The following BTK variants were observed in gnomAD, a reference collection of about 807,000 sequenced individuals.
BTK encodes Bruton tyrosine kinase, also known as tyrosine-protein kinase BTK.
A neutral mutation model predicts 57.4 loss-of-function variants in BTK; 5 were observed. The ratio of observed to expected loss-of-function variants is 0.09; its 90% CI spans 0.05 to 0.18. The LOEUF is 0.18. Among genes scored for constraint, BTK ranks in the 10% least tolerant of loss-of-function variants. BTK has a pLI of 1.00. For missense variants in BTK, 194 were observed against 501.2 expected (o/e 0.39, Z 5.85); for synonymous variants, 154 against 174.3 (o/e 0.88, Z 0.92).
intron 3 of BTK, among the ~76,000 whole-genome samples, chrX:101,373,817 G>A (rs1005131440): frequency 2.7e-5 from 3 of 111,212 alleles, no homozygotes; most frequent in African/African-American, 9.8e-5. Flanking sequence ...CGAGACAGGC[G>A]GATCACTTGA....
At chrX:101,374,226 T>C in intron 3 of BTK, 1 of 285,966 alleles carries the variant, frequency 3.5e-6, no homozygotes. Flanking sequence ...CAGACTTACT[T>C]AAGCCTCTAA....
intron 5 of BTK, among the ~76,000 whole-genome samples, chrX:101,369,591 T>A (rs187119615): frequency 8.9e-6 from 1 of 111,879 alleles, no homozygotes; most frequent in African/African-American, 3.2e-5. Flanking sequence ...AATAGAGAAA[T>A]GGAGGTGCCT....
At chrX:101,353,795 G>A in intron 17 of BTK, 75 bp downstream of exon 17, 2 of 834,320 alleles carry the variant, frequency 2.4e-6, no homozygotes, top group Non-Finnish European at 3.6e-6. Context: ...CTCTGTGGAG[G>A]TTGCAAAGTG....
In BTK at chrX:101,368,891, A is replaced by G. The variant is rs782572638; in HGVS notation, c.391+1107T>C. 5.4e-5 allele frequency among the ~76,000 whole-genome samples: 6 copies of G among 112,090 alleles called. No individual in the cohort carries two copies. In the East Asian group the frequency reaches 1.4e-3, roughly 26 times the overall value. ...AGGCTGGTATAGCCAGCCAGTGAGT[A>G]TCAGAATCTAAATGTTTATTAAGAC... On this transcript the variant is annotated intron_variant, in intron 5 of 18. Coordinates refer to ENST00000308731, the MANE Select transcript of BTK (RefSeq NM_000061.3).
rs192477059 is a variant in BTK, at chrX:101,363,789, T to C, written c.392-1100A>G. Among the ~76,000 whole-genome samples the C allele has an allele frequency of 4.6e-3, 495 of 108,454 alleles. 3 individuals carry two copies. The highest frequency in any genetic ancestry group is 4.8e-3 in the Non-Finnish European group (252 of 52,385). The allele number at this position is 108,454 out of a possible 115,157, so 94.2% of individuals were successfully genotyped here. A position where few individuals can be genotyped will look rare whatever the true frequency, so the allele number is the denominator to read the frequency against. On this transcript the variant is annotated intron_variant, in intron 5 of 18. Transcript: ENST00000308731. ...AAGCAAAGACAATTGAAATAACTGA[T>C]AGCAGCAAACACTAGAGCAAAGACC...
chrX:101,359,278 T>G lies in BTK; in HGVS notation c.894+15A>C, dbSNP rs377652560. ...ATGCAAGGAGAATGCTGTGTGCTAG[T>G]GGTTCCACACTTACCTCTTGCTTTA... On this transcript the variant is annotated intron_variant, in intron 10 of 18. Transcript: ENST00000308731. The G allele has an allele frequency of 6.6e-6, 8 of 1,208,452 alleles. No homozygotes were observed. Among genetic ancestry groups the G allele is most frequent in the Non-Finnish European group, 9.0e-6 (8 of 893,514 alleles).
At chrX:101,357,029 T>G in intron 13 of BTK, 74 bp from the exon 14 acceptor site, 3 of 1,111,505 alleles carry the variant, frequency 2.7e-6, no homozygotes, top group Non-Finnish European at 2.5e-6. Flanking sequence ...AAATCCCTAC[T>G]GGGGTAGAAA....
intron 18 of BTK, 162 bp downstream of exon 18, chrX:101,353,031 AC>A (rs1456478127): frequency 2.0e-6 from 1 of 504,213 alleles, no homozygotes; most frequent in Non-Finnish European, 3.2e-6. Context: ...GCGCCACTGT[AC>A]TCCAACCTGG....
intron 3 of BTK, among the ~76,000 whole-genome samples, chrX:101,372,529 A>T (rs1927065772): frequency 9.2e-6 from 1 of 109,123 alleles, no homozygotes; most frequent in African/African-American, 3.3e-5. Flanking sequence ...GCTCACTGCA[A>T]CCTCCGCCTC....
Position 101,358,293 on chromosome X carries a change from T to C in BTK, c.1102+17A>G, listed in dbSNP as rs1926552720. ...CTGGTGTCTGTAACTCCCTTCTCAG[T>C]TGCCCCTGGTACTCACCTGCAGAGT... On this transcript the variant is annotated intron_variant, in intron 12 of 18. Transcript: ENST00000308731. 8.3e-7 allele frequency: 1 copy of C among 1,210,164 alleles called. No homozygotes were observed. Among genetic ancestry groups the C allele is most frequent in the African/African-American group, 1.7e-5 (1 of 57,242 alleles).
chrX:101,358,249 T>G, intron 12 of BTK, 61 bp downstream of exon 12: 2 of 1,197,600 alleles, frequency 1.7e-6, no homozygotes, highest in Non-Finnish European at 2.3e-6. Context: ...TCTTATCACC[T>G]TGTCCTGCAT....
intron 4 of BTK, among the ~76,000 whole-genome samples, chrX:101,371,071 A>G (rs1222708795): frequency 8.9e-6 from 1 of 112,295 alleles, no homozygotes; most frequent in Non-Finnish European, 1.9e-5. Flanking sequence ...AGAGGCTGCT[A>G]TATTCACGAC....
intron 1 of BTK, 27 bp from the exon 2 acceptor site, chrX:101,375,341 C>G (rs150215209): frequency 0.011 from 12,637 of 1,187,928 alleles, 72 homozygotes; most frequent in Non-Finnish European, 0.013. Flanking sequence ...TTCCTGAGGA[C>G]CCAGGACATT....
chrX:101,364,988 C>T lies in BTK; in HGVS notation c.392-2299G>A, dbSNP rs1459575838. Among the ~76,000 whole-genome samples the T allele has an allele frequency of 6.4e-5, 7 of 110,224 alleles. No individual in the cohort carries two copies. The Admixed American group carries it at 6.7e-4, about 11-fold the overall frequency. On this transcript the variant is annotated intron_variant, in intron 5 of 18. Coordinates refer to ENST00000308731, the MANE Select transcript of BTK (RefSeq NM_000061.3). The stretch of plus-strand genomic sequence containing the variant: ...AACTTCTGACCTCGTGATTCACCCG[C>T]CCCCCATCGCCCCTCAAAGTGTTGG...
chrX:101,359,839 A>G (rs991115408), intron 9 of BTK, among the ~76,000 whole-genome samples: 5 of 107,087 alleles, frequency 4.7e-5, no homozygotes, highest in Non-Finnish European at 7.7e-5. Flanking sequence ...ATTTTAATAT[A>G]TATCTTGAAA....
At chrX:101,388,314 G>A (rs1927684498), upstream of BTK, among the ~76,000 whole-genome samples, 2 of 111,272 alleles carry the variant, frequency 1.8e-5, no homozygotes, top group African/African-American at 6.5e-5. Context: ...GCAAGTAGAC[G>A]TAGGCTTTTC....
chrX:101,386,552 C>T (rs905101144), upstream of BTK, among the ~76,000 whole-genome samples: 1 of 110,516 alleles, frequency 9.0e-6, no homozygotes, highest in East Asian at 2.8e-4. Context: ...ATGCTGGGGG[C>T]TGGCAGACAC....
chrX:101,355,740 T>C (rs782125845), intron 15 of BTK: 135 of 344,669 alleles, frequency 3.9e-4, no homozygotes, highest in Middle Eastern at 2.6e-3. Flanking sequence ...AGCAGTCCCA[T>C]TGGGAAGCAC....
intron 1 of BTK, among the ~76,000 whole-genome samples, chrX:101,375,820 A>T: frequency 8.9e-6 from 1 of 111,997 alleles, no homozygotes. Flanking sequence ...GGGGTCTGTA[A>T]CCAAGGGAAC....
Sources: gnomAD v4.1 joint callset for allele counts (sites outside exome capture counted in the v4.1 genomes callset) on GRCh38, gnomAD v4.1.1 for gene constraint, MANE v1.5 for transcripts, NCBI Gene and HGNC (gene_info 2026-07-23, HGNC 2026-07-21) for gene names.